The following FOXP2 variants were observed in gnomAD, a reference collection of about 807,000 sequenced individuals.
FOXP2 encodes forkhead box protein P2.
In FOXP2, 12 loss-of-function variants were observed where a neutral mutation model predicts 115.8. The observed-to-expected ratio is 0.10, with a 90% CI of 0.07 to 0.17. The LOEUF (loss-of-function observed/expected upper bound fraction) is 0.17, where lower values mean the gene tolerates loss of function less well. Among genes scored for constraint, FOXP2 ranks in the 10% least tolerant of loss-of-function variants. The pLI is 1.00. For synonymous variants in FOXP2, 328 were observed against 297.7 expected, an observed-to-expected ratio of 1.10 and a Z score of -1.05; for missense variants, 629 against 843.5, an observed-to-expected ratio of 0.75 and a Z score of 3.15.
intron 2 of FOXP2, among the ~76,000 whole-genome samples, chr7:114,356,909 T>G: frequency 6.6e-6 from 1 of 152,306 alleles, no homozygotes; most frequent in Non-Finnish European, 1.5e-5. Context: ...TATACCCTTA[T>G]GGTCTTTGAT....
At chr7:114,592,876 A>C (rs1373771503) in intron 3 of FOXP2, among the ~76,000 whole-genome samples, 4 of 152,004 alleles carry the variant, frequency 2.6e-5, no homozygotes. Context: ...CCTTCATTGC[A>C]ACAAATTGAA....
intron 1 of FOXP2, among the ~76,000 whole-genome samples, chr7:114,206,090 G>A (rs542287745): frequency 1.1e-3 from 163 of 152,188 alleles, no homozygotes; most frequent in Non-Finnish European, 2.0e-3. Flanking sequence ...CAAACCACCC[G>A]TCTTTCCAGG....
At chr7:114,153,792 C>T (rs1792586538) in intron 1 of FOXP2, among the ~76,000 whole-genome samples, 1 of 152,124 alleles carries the variant, frequency 6.6e-6, no homozygotes, top group African/African-American at 2.4e-5. Flanking sequence ...ACCAAACCTT[C>T]TCTGATATGG....
intron 1 of FOXP2, among the ~76,000 whole-genome samples, chr7:114,281,300 C>T (rs927123002): frequency 1.3e-5 from 2 of 151,838 alleles, no homozygotes; most frequent in African/African-American, 2.4e-5. Flanking sequence ...CGGAGTTTCA[C>T]CATGTTGGCC....
intron 2 of FOXP2, among the ~76,000 whole-genome samples, chr7:114,483,801 A>G (rs1796657170): frequency 6.6e-6 from 1 of 151,776 alleles, no homozygotes; most frequent in South Asian, 2.1e-4. Context: ...ATTAATGGAC[A>G]ATTAATAATT....
chr7:114,633,737 G>A (rs903212352), intron 6 of FOXP2, among the ~76,000 whole-genome samples: 11 of 152,150 alleles, frequency 7.2e-5, no homozygotes, highest in Non-Finnish European at 1.2e-4. Context: ...GGAACCTAGC[G>A]TTACGGTACT....
At chr7:114,585,195 A>C (rs1160707995) in intron 3 of FOXP2, among the ~76,000 whole-genome samples, 1 of 152,206 alleles carries the variant, frequency 6.6e-6, no homozygotes, top group African/African-American at 2.4e-5. Context: ...GAATGGATAG[A>C]GTTTTTGTTA....
chr7:114,568,492 C>T (rs17314811), intron 3 of FOXP2, among the ~76,000 whole-genome samples: 13,820 of 149,322 alleles, frequency 0.093, 682 homozygotes, highest in Middle Eastern at 0.16. Flanking sequence ...GTTATCGTTT[C>T]GTTAAAATTT....
At position 114,155,588 on chromosome 7, in the gene FOXP2, G is replaced by C. The variant is rs536932003; in HGVS notation, c.-246-7356G>C. ...GCAGGAGAGAATTAGCAAGGAATCT[G>C]GCACCATTTTAGGTCTGATAATGTT... On this transcript the variant is annotated intron_variant, in intron 1 of 19. Coordinates refer to the FOXP2 transcript ENST00000635638. 5.9e-5 allele frequency among the ~76,000 whole-genome samples: 9 copies of C among 152,178 alleles called. No homozygotes were observed. The South Asian group carries it at 1.5e-3, about 25-fold the overall frequency.
chr7:114,297,372 T>A, intron 2 of FOXP2: 2 of 720,194 alleles, frequency 2.8e-6, no homozygotes, highest in Admixed American at 4.4e-5. Context: ...GCTCACGTTC[T>A]TGGTCACCTT....
chr7:114,417,245 T>C (rs1251815562), intron 1 of FOXP2, among the ~76,000 whole-genome samples: 1 of 152,010 alleles, frequency 6.6e-6, no homozygotes, highest in Non-Finnish European at 1.5e-5. Context: ...ATCTAATAGG[T>C]TCTTTAGTGC....
At chr7:114,629,218 A>G (rs1804757475) in intron 4 of FOXP2, among the ~76,000 whole-genome samples, 1 of 152,196 alleles carries the variant, frequency 6.6e-6, no homozygotes, top group Non-Finnish European at 1.5e-5. Flanking sequence ...TTAAAATAAC[A>G]AACATAGTGT....
At chr7:114,121,303 C>G (rs1004669423) in intron 1 of FOXP2, among the ~76,000 whole-genome samples, 7 of 152,050 alleles carry the variant, frequency 4.6e-5, no homozygotes, top group African/African-American at 1.7e-4. Context: ...CTCATCAGAA[C>G]TGGGCCAGGC....
chr7:114,527,918 C>T (rs957951581), intron 2 of FOXP2, among the ~76,000 whole-genome samples: 2 of 152,034 alleles, frequency 1.3e-5, no homozygotes, highest in South Asian at 2.1e-4. Flanking sequence ...GTTGCACGTA[C>T]GTTTTTACAA....
At chr7:114,196,221 A>C (rs757391751) in intron 1 of FOXP2, among the ~76,000 whole-genome samples, 4 of 151,890 alleles carry the variant, frequency 2.6e-5, no homozygotes, top group Non-Finnish European at 4.4e-5. Context: ...CATGTTGTCC[A>C]GGATAGTCTC....
chr7:114,626,053 A>AT (rs1804559143), intron 3 of FOXP2, among the ~76,000 whole-genome samples: 1 of 151,756 alleles, frequency 6.6e-6, no homozygotes, highest in African/African-American at 2.4e-5. Flanking sequence ...TCTGATTAAA[A>AT]TTTTAAAAAA....
chr7:114,585,867 A>T (rs1802107337), intron 3 of FOXP2, among the ~76,000 whole-genome samples: 1 of 152,198 alleles, frequency 6.6e-6, no homozygotes, highest in African/African-American at 2.4e-5. Flanking sequence ...TTTATAATTT[A>T]AATAAATATT....
chr7:114,297,091 G>T, intron 2 of FOXP2: 1 of 424,466 alleles, frequency 2.4e-6, no homozygotes, highest in Non-Finnish European at 4.7e-6. Flanking sequence ...TTTATTTCAG[G>T]GAGAGGGCAG....
chr7:114,628,496 G>C (rs759106200), intron 3 of FOXP2, 44 bp from the exon 4 acceptor site: 1 of 1,611,958 alleles, frequency 6.2e-7, no homozygotes, highest in South Asian at 1.1e-5. Context: ...ACAGATATTT[G>C]GTTATGACCA....
Sources: allele counts gnomAD v4.1 joint callset (sites outside exome capture counted in the v4.1 genomes callset), GRCh38; gene constraint gnomAD v4.1.1; transcripts MANE v1.5; gene names NCBI Gene and HGNC (gene_info 2026-07-23, HGNC 2026-07-21).